Variants in PPL observed in about 807,000 individuals in gnomAD.
The protein encoded by PPL is periplakin.
Under a neutral mutation model 194.4 loss-of-function variants are expected in PPL, and 198 were observed. The observed-to-expected ratio is 1.02, with a 90% CI of 0.91 to 1.15. The LOEUF (loss-of-function observed/expected upper bound fraction) is 1.15, where lower values mean the gene tolerates loss of function less well. Ranked by LOEUF, PPL falls within the 50% of genes most tolerant of loss-of-function variation. The pLI is 0.00. For synonymous variants in PPL, 1,220 were observed against 972.4 expected (o/e 1.25, Z -4.74); for missense variants, 2,885 against 2,294.8 (o/e 1.26, Z -5.25).
At chr16:4,886,156 C>T in intron 21 of PPL, 109 bp from the exon 22 acceptor site, 27 of 1,326,412 alleles carry the variant, frequency 2.0e-5, no homozygotes, top group African/African-American at 3.0e-5. Flanking sequence ...GGGACTCCCT[C>T]AGTGCCAGTT....
In PPL at chr16:4,883,332, G is replaced by C; in HGVS notation, c.*52C>G. 1 of 1,607,314 alleles carries C rather than the reference G, an allele frequency of 6.2e-7. No individual in the cohort carries two copies. The highest frequency in any genetic ancestry group is 8.5e-7 in the Non-Finnish European group (1 of 1,179,260). ...AGGACGACACCAAGGAGGTCACTGC[G>C]TCGTAGGAGAGGGCCAGCGTCTGCC... On this transcript the variant is annotated 3_prime_UTR_variant, in exon 22 of 22. Coordinates refer to ENST00000345988, the MANE Select transcript of PPL (RefSeq NM_002705.5). This position sits in a 1 kb window ranked among gnomAD's most constrained non-coding sequence, Gnocchi z 4.8.
In PPL at chr16:4,895,578, C is replaced by A; in HGVS notation, c.1095+16G>T. On this transcript the variant is annotated intron_variant, in intron 10 of 21. Transcript: ENST00000345988. ...CCCGCCCCCCGGGCCAGCAGGGGTC[C>A]TGGGCCATCGCTCACATCCAGCTCC... is the stretch of plus-strand genomic sequence containing the variant. The A allele has an allele frequency of 6.2e-7, 1 of 1,613,686 alleles. No homozygotes were observed. Among genetic ancestry groups the A allele is most frequent in the Non-Finnish European group, 8.5e-7 (1 of 1,179,998 alleles).
In PPL at chr16:4,897,612, C is replaced by A. The variant is rs1056329252; in HGVS notation, c.972+63G>T. ...CGAGGCCACACATGAGCCAGGTAGG[C>A]ACTGAGCGCTCTCAGAGAGTAGCAC... On this transcript the variant is annotated intron_variant, in intron 9 of 21. Transcript: ENST00000345988. The A allele has an allele frequency of 5.3e-6, 7 of 1,326,886 alleles. No homozygotes were observed. The African/African-American group carries it at 1.0e-4, about 19-fold the overall frequency. 82.2% of individuals were successfully genotyped at this position (1,326,886 alleles called of 1,614,324 possible).
chr16:4,933,900 CTG>C (rs773013886), intron 1 of PPL, among the ~76,000 whole-genome samples: 4 of 152,274 alleles, frequency 2.6e-5, no homozygotes, highest in Non-Finnish European at 5.9e-5. Flanking sequence ...TGCTTAATAA[CTG>C]TAATCGTCAC....
chr16:4,886,294 T>G (rs2088218662), intron 21 of PPL, among the ~76,000 whole-genome samples: 1 of 152,328 alleles, frequency 6.6e-6, no homozygotes, highest in African/African-American at 2.4e-5. Context: ...GTCTCCCACC[T>G]CTGGTCCCCG....
At chr16:4,931,902 C>T (rs2089230031) in intron 1 of PPL, among the ~76,000 whole-genome samples, 1 of 152,202 alleles carries the variant, frequency 6.6e-6, no homozygotes, top group Non-Finnish European at 1.5e-5. Flanking sequence ...TCGAATTTAT[C>T]CAGTCTCATT....
chr16:4,937,104 G>C lies in PPL; in HGVS notation c.-59C>G. 1 of 1,152,650 alleles carries C rather than the reference G, an allele frequency of 8.7e-7. No homozygotes were observed. The highest frequency in any genetic ancestry group is 4.0e-5 in the South Asian group (1 of 24,698). 71.4% of individuals were successfully genotyped at this position (1,152,650 alleles called of 1,614,324 possible). A position where few individuals can be genotyped will look rare whatever the true frequency, so the allele number is the denominator to read the frequency against. ...CGGGCCGGGCGCGCACCGAGGGGCG[G>C]GCGGGAGCGCAGGTGAGCGAGCGGC... On this transcript the variant is annotated 5_prime_UTR_variant, in exon 1 of 22. Coordinates refer to ENST00000345988, the MANE Select transcript of PPL (RefSeq NM_002705.5).
At chr16:4,894,681 G>A in intron 11 of PPL, 63 bp from the exon 12 acceptor site, 1 of 1,570,110 alleles carries the variant, frequency 6.4e-7, no homozygotes, top group Non-Finnish European at 8.6e-7. Flanking sequence ...GAGCCCGGTT[G>A]CCATCTCAGC....
chr16:4,913,948 A>G (rs2088867667), intron 1 of PPL, among the ~76,000 whole-genome samples: 1 of 152,168 alleles, frequency 6.6e-6, no homozygotes, highest in South Asian at 2.1e-4. Flanking sequence ...GGAAATCAGT[A>G]TTTATAGAAA....
intron 2 of PPL, among the ~76,000 whole-genome samples, chr16:4,909,424 CTTTTT>C (rs199792362): frequency 8.5e-6 from 1 of 118,246 alleles, no homozygotes; most frequent in African/African-American, 3.9e-5. Context: ...CTGGTCCCAC[CTTTTT>C]TTTTTTTTTT....
At position 4,889,241 on chromosome 16, in the gene PPL, GTTTTTTTTTTT is replaced by G. The variant is rs869094472; in HGVS notation, c.2314-191_2314-181del. Among the ~76,000 whole-genome samples the G allele has an allele frequency of 8.9e-4, 59 of 66,632 alleles. 3 individuals are homozygous for G. Among genetic ancestry groups the G allele is most frequent in the Middle Eastern group, 0.011 (1 of 90 alleles). The allele number at this position is 66,632 out of a possible 152,430, so 43.7% of individuals were successfully genotyped here. A position where few individuals can be genotyped will look rare whatever the true frequency, so the allele number is the denominator to read the frequency against. ...AAAAGGCAGTTTTTTTGTTGTTGTTGTTTTTTTTTTTTTTTTTTTTTTTTTTTTTTTTTGAG... is the reference window on the plus strand; with the variant it reads ...AAAAGGCAGTTTTTTTGTTGTTGTTGTTTTTTTTTTTTTTTTTTTTTTGAG... On this transcript the variant is annotated intron_variant, in intron 18 of 21. Transcript: ENST00000345988.
In PPL at chr16:4,902,325, A is replaced by AC; in HGVS notation, c.438+80dup. 6.4e-7 allele frequency: 1 copy of AC among 1,573,206 alleles called. No homozygotes were observed. Among genetic ancestry groups the AC allele is most frequent in the South Asian group, 1.2e-5 (1 of 84,960 alleles). ...CCTGGTAAGACCCGGGATGCCCATTACATGGGTAGGCTCTCCCTGCACACG... is the reference window on the plus strand; with the variant it reads ...CCTGGTAAGACCCGGGATGCCCATTACCATGGGTAGGCTCTCCCTGCACACG... On this transcript the variant is annotated intron_variant, in intron 4 of 21. Transcript: ENST00000345988. The surrounding 1 kb of genome is among the most constrained non-coding windows in gnomAD (Gnocchi z 4.0).
Position 4,884,580 on chromosome 16 carries a change from C to T in PPL, c.4075G>A (p.Glu1359Lys), listed in dbSNP as rs773872385. ...TCGGCCCGCAGGCCTGGCTCCTCCT[C>T]ATACCTGACCACCTCCTGCTGCACC... ...RVVQQEVVRY[E>K]EEPGLRAEAS... Residue 1359 changes from glutamate (E) to lysine (K), a missense_variant, in exon 22 of 22, where the codon GAG (glutamate) becomes AAG (lysine). Transcript: ENST00000345988. The surrounding 1 kb of genome is among the most constrained non-coding windows in gnomAD (Gnocchi z 5.7). 9 of 1,614,102 alleles carry T rather than the reference C, an allele frequency of 5.6e-6. No individual in the cohort carries two copies. In the South Asian group the frequency reaches 6.6e-5, roughly 12 times the overall value.
chr16:4,894,969 C>G (rs1224371658), intron 11 of PPL, among the ~76,000 whole-genome samples: 1 of 152,206 alleles, frequency 6.6e-6, no homozygotes, highest in African/African-American at 2.4e-5. Flanking sequence ...TCCCTGGCCA[C>G]AGTGATTGGT....
In PPL at chr16:4,890,725, CACCT is replaced by C; in HGVS notation, c.2161_2162+2del. On this transcript the variant is annotated splice_donor_variant and coding_sequence_variant, in exon 17 of 22. Coordinates refer to ENST00000345988, the MANE Select transcript of PPL (RefSeq NM_002705.5). LOFTEE classifies it high-confidence loss of function. The stretch of plus-strand genomic sequence containing the variant: ...AAATGGCCACCACCCACCGCACCCT[CACCT>C]GCGTTCCACCTGCTGGCGCAGGTTG... The C allele has an allele frequency of 6.2e-7, 1 of 1,603,354 alleles. No homozygotes were observed. Among genetic ancestry groups the C allele is most frequent in the Non-Finnish European group, 8.5e-7 (1 of 1,175,446 alleles).
chr16:4,916,504 G>A (rs4334299), intron 1 of PPL, among the ~76,000 whole-genome samples: 101,609 of 149,810 alleles, frequency 0.68, 36,796 homozygotes, highest in Non-Finnish European at 0.8. Context: ...GAGCCATTGC[G>A]CCCAGCCTTA....
At chr16:4,906,745 G>C (rs937765730) in intron 2 of PPL, among the ~76,000 whole-genome samples, 1 of 152,230 alleles carries the variant, frequency 6.6e-6, no homozygotes, top group Non-Finnish European at 1.5e-5. Context: ...AGAACTGATC[G>C]ATGGTGAGAG....
Position 4,888,224 on chromosome 16 carries a change from T to A in PPL, c.2398-6A>T, listed in dbSNP as rs897494129. 4.4e-6 allele frequency: 7 copies of A among 1,576,954 alleles called. No individual in the cohort carries two copies. Among genetic ancestry groups the A allele is most frequent in the Non-Finnish European group, 5.2e-6 (6 of 1,146,422 alleles). ...TCTGCTTCTAACTCATAGTCCTGCA[T>A]GAGGGAGAGACATGGCAGAGGGGAG... On this transcript the variant is annotated splice_region_variant and splice_polypyrimidine_tract_variant and intron_variant, in intron 19 of 21. Coordinates refer to ENST00000345988, the MANE Select transcript of PPL (RefSeq NM_002705.5).
intron 8 of PPL, 33 bp from the exon 9 acceptor site, chr16:4,897,803 G>A: frequency 6.4e-7 from 1 of 1,569,800 alleles, no homozygotes; most frequent in Non-Finnish European, 8.8e-7. Flanking sequence ...GTCACCACTG[G>A]GCAGGTACTG....
Sources: gnomAD v4.1 joint callset for allele counts (sites outside exome capture counted in the v4.1 genomes callset) on GRCh38, gnomAD v4.1.1 for gene constraint, Gnocchi (gnomAD v3.1) non-coding constraint, MANE v1.5 for transcripts, NCBI Gene and HGNC (gene_info 2026-07-23, HGNC 2026-07-21) for gene names.